SLIT3: variants seen among roughly 807,000 people sequenced by gnomAD.
SLIT3 encodes slit guidance ligand 3.
In SLIT3, 68 loss-of-function variants were observed where a neutral mutation model predicts 184.0. The observed-to-expected ratio is 0.37, with a 90% CI of 0.30 to 0.45. The LOEUF (loss-of-function observed/expected upper bound fraction) is 0.45, where lower values mean the gene tolerates loss of function less well. SLIT3 is among the 20% of genes least tolerant of loss of function. SLIT3 has a pLI of 1.00. For missense variants in SLIT3, 1,707 were observed against 2,026.0 expected (o/e 0.84, Z 3.02); for synonymous variants, 831 against 828.6 (o/e 1.00, Z -0.05).
rs1426894418 is a variant in SLIT3, at chr5:168,828,382, G to A, written c.558-5051C>T. Among the ~76,000 whole-genome samples the A allele has an allele frequency of 3.3e-5, 5 of 152,244 alleles. No individual in the cohort carries two copies. In the East Asian group the frequency reaches 7.7e-4, roughly 24 times the overall value. On this transcript the variant is annotated intron_variant, in intron 6 of 35. Coordinates refer to ENST00000519560, the MANE Select transcript of SLIT3 (RefSeq NM_003062.4). ...GCAGTGGCTCATGCCTATAATCCCA[G>A]TACATTGTGAGGCCACAGCGGGAGG...
At chr5:168,972,337 A>ATGTGTGTGTGTGTGTG (rs60588036) in intron 4 of SLIT3, among the ~76,000 whole-genome samples, 4,680 of 118,194 alleles carry the variant, frequency 0.04, 291 homozygotes, top group African/African-American at 0.088. Context: ...GCAGGACAAC[A>ATGTGTGTGTGTGTGTG]TGTGTGTGTG....
chr5:168,871,177 T>C (rs140025716), intron 5 of SLIT3, among the ~76,000 whole-genome samples: 95 of 152,248 alleles, frequency 6.2e-4, no homozygotes, highest in African/African-American at 2.1e-3. Flanking sequence ...ACGTGGTCTT[T>C]TCTCTCTCTC....
intron 3 of SLIT3, among the ~76,000 whole-genome samples, chr5:169,224,161 G>A (rs192695381): frequency 9.9e-5 from 15 of 152,034 alleles, no homozygotes; most frequent in African/African-American, 2.9e-4. Context: ...TTTTTTAACT[G>A]GTAGAATGGG....
chr5:168,674,131 A>G (rs1271463587), intron 32 of SLIT3, among the ~76,000 whole-genome samples: 1 of 152,214 alleles, frequency 6.6e-6, no homozygotes, highest in African/African-American at 2.4e-5. Context: ...CACCTCAGGT[A>G]CCACCAGTGG....
intron 4 of SLIT3, among the ~76,000 whole-genome samples, chr5:169,106,240 A>T (rs1366387577): frequency 6.6e-6 from 1 of 152,218 alleles, no homozygotes; most frequent in East Asian, 1.9e-4. Flanking sequence ...TTCAGAGATC[A>T]GAATGCAGAA....
chr5:168,921,234 A>T (rs1032985791), intron 4 of SLIT3, among the ~76,000 whole-genome samples: 3 of 152,156 alleles, frequency 2.0e-5, no homozygotes, highest in African/African-American at 7.2e-5. Context: ...CCAGCCTTCT[A>T]AAAAAATGCT....
At chr5:169,112,886 C>T (rs1043730544) in intron 4 of SLIT3, among the ~76,000 whole-genome samples, 3 of 152,186 alleles carry the variant, frequency 2.0e-5, no homozygotes, top group Non-Finnish European at 4.4e-5. Flanking sequence ...CTGCTCTCGA[C>T]TTGTCCCAGT....
At chr5:169,161,181 G>T (rs1762465113) in intron 4 of SLIT3, among the ~76,000 whole-genome samples, 1 of 152,136 alleles carries the variant, frequency 6.6e-6, no homozygotes, top group African/African-American at 2.4e-5. Context: ...ATACCATTTG[G>T]CATCCCAGCG....
chr5:168,726,608 T>C (rs1421545652), intron 20 of SLIT3, among the ~76,000 whole-genome samples: 1 of 149,684 alleles, frequency 6.7e-6, no homozygotes, highest in East Asian at 2.0e-4. Flanking sequence ...TAAAGAAATA[T>C]AAATTATGAA....
chr5:168,979,446 C>T (rs1405304096), intron 4 of SLIT3, among the ~76,000 whole-genome samples: 1 of 152,170 alleles, frequency 6.6e-6, no homozygotes, highest in Admixed American at 6.5e-5. Context: ...GCAGAGGATA[C>T]CAAACCCAAA....
At chr5:169,245,688 G>A (rs1765564782) in intron 2 of SLIT3, among the ~76,000 whole-genome samples, 1 of 152,188 alleles carries the variant, frequency 6.6e-6, no homozygotes, top group South Asian at 2.1e-4. Flanking sequence ...TACTCAGGAG[G>A]AGAGGTACCC....
intron 4 of SLIT3, among the ~76,000 whole-genome samples, chr5:168,991,464 G>T (rs889793604): frequency 6.6e-6 from 1 of 152,228 alleles, no homozygotes; most frequent in Admixed American, 6.5e-5. Flanking sequence ...CCCAGGTGCT[G>T]TGTGGGCCAC....
chr5:168,814,028 T>C (rs1757249156), intron 8 of SLIT3, among the ~76,000 whole-genome samples: 1 of 152,210 alleles, frequency 6.6e-6, no homozygotes, highest in Admixed American at 6.5e-5. Flanking sequence ...CTTCAGTTCT[T>C]GACTGAATTT....
intron 3 of SLIT3, among the ~76,000 whole-genome samples, chr5:169,239,130 G>A (rs1765304791): frequency 6.6e-6 from 1 of 152,116 alleles, no homozygotes; most frequent in Non-Finnish European, 1.5e-5. Context: ...TTTTCAGCAT[G>A]TTTTTATTTG....
intron 5 of SLIT3, among the ~76,000 whole-genome samples, chr5:168,853,503 G>T (rs139338458): frequency 6.2e-4 from 95 of 152,276 alleles, no homozygotes; most frequent in African/African-American, 2.2e-3. Context: ...TGGCTCACAT[G>T]ATAAATTGTA....
chr5:169,034,010 C>T (rs187985686), intron 4 of SLIT3, among the ~76,000 whole-genome samples: 166 of 152,096 alleles, frequency 1.1e-3, no homozygotes, highest in African/African-American at 3.8e-3. Flanking sequence ...GACGGGTTTT[C>T]ACCATGTTGG....
chr5:169,060,955 AC>A (rs1758155980), intron 4 of SLIT3, among the ~76,000 whole-genome samples: 1 of 152,146 alleles, frequency 6.6e-6, no homozygotes, highest in African/African-American at 2.4e-5. Context: ...GTCAGAGTCA[AC>A]AGGACTCAAG....
At chr5:169,143,795 GA>G (rs373319184) in intron 4 of SLIT3, among the ~76,000 whole-genome samples, 1 of 151,190 alleles carries the variant, frequency 6.6e-6, no homozygotes, top group East Asian at 1.9e-4. Flanking sequence ...GCCAGAAAAC[GA>G]AAAAAAACAA....
rs145302088 is a variant in SLIT3 at position 169,029,233 on chromosome 5, T to G, written c.414-145897A>C. ...CAGTAGGTATTTGTTGAATTCTGAG[T>G]GATTGCACCACTTTCTCCGAGAAGA... On this transcript the variant is annotated intron_variant, in intron 4 of 35. Transcript: ENST00000519560. Among the ~76,000 whole-genome samples, 58 of 152,356 alleles carry G rather than the reference T, an allele frequency of 3.8e-4. No homozygotes were observed. The East Asian group carries it at 9.8e-3, about 26-fold the overall frequency.
Sources: allele counts gnomAD v4.1 joint callset (sites outside exome capture counted in the v4.1 genomes callset), GRCh38; gene constraint gnomAD v4.1.1; transcripts MANE v1.5; gene names NCBI Gene and HGNC (gene_info 2026-07-23, HGNC 2026-07-21).